CSMD1: variants seen among roughly 807,000 people sequenced by gnomAD.
CSMD1 encodes CUB and sushi domain-containing protein 1.
In CSMD1, 213 loss-of-function variants were observed where a neutral mutation model predicts 417.5. The ratio of observed to expected loss-of-function variants is 0.51; its 90% CI spans 0.46 to 0.57. The LOEUF (loss-of-function observed/expected upper bound fraction) is 0.57, where lower values mean the gene tolerates loss of function less well. CSMD1 is among the 20% of genes least tolerant of loss of function. CSMD1 has a pLI of 0.00. For missense variants in CSMD1, 6,923 were observed against 4,529.7 expected (o/e 1.53, Z -15.17); for synonymous variants, 2,862 against 1,736.8 (o/e 1.65, Z -16.11).
chr8:3,768,053 C>G (rs376595256), intron 5 of CSMD1, among the ~76,000 whole-genome samples: 1 of 152,000 alleles, frequency 6.6e-6, no homozygotes, highest in African/African-American at 2.4e-5. Flanking sequence ...TCTTTGACCC[C>G]GAGTATAGAC....
At chr8:3,520,977 T>G (rs1195717246) in intron 10 of CSMD1, among the ~76,000 whole-genome samples, 1 of 152,138 alleles carries the variant, frequency 6.6e-6, no homozygotes, top group Non-Finnish European at 1.5e-5. Context: ...GAAAACCATG[T>G]GCCCATCAAA....
At chr8:3,943,099 C>T (rs183020137) in intron 5 of CSMD1, among the ~76,000 whole-genome samples, 104 of 152,070 alleles carry the variant, frequency 6.8e-4, no homozygotes, top group African/African-American at 2.4e-3. Context: ...ACCTGGGATT[C>T]AACTTCGGAA....
intron 3 of CSMD1, among the ~76,000 whole-genome samples, chr8:4,237,278 T>A (rs1286979475): frequency 2.0e-5 from 3 of 152,180 alleles, no homozygotes; most frequent in African/African-American, 7.2e-5. Context: ...GTGAGGGTGT[T>A]TATATTAAGA....
intron 7 of CSMD1, among the ~76,000 whole-genome samples, chr8:3,675,719 A>C (rs1799337744): frequency 6.6e-6 from 1 of 152,198 alleles, no homozygotes; most frequent in African/African-American, 2.4e-5. Flanking sequence ...CTCTGAATCT[A>C]TAAGCACCTT....
chr8:3,106,501 G>C, intron 46 of CSMD1, 27 bp downstream of exon 46: 1 of 1,371,636 alleles, frequency 7.3e-7, no homozygotes, highest in South Asian at 1.2e-5. Flanking sequence ...ATAAGTTTAT[G>C]TAGTTTTAGT....
chr8:3,019,113 T>C (rs1456181741), intron 51 of CSMD1, among the ~76,000 whole-genome samples: 2 of 152,182 alleles, frequency 1.3e-5, no homozygotes, highest in African/African-American at 2.4e-5. Context: ...AGACAGTGTT[T>C]TGCCATGTTG....
chr8:3,194,576 G>T (rs1213239348), intron 33 of CSMD1, among the ~76,000 whole-genome samples: 3 of 151,428 alleles, frequency 2.0e-5, no homozygotes, highest in African/African-American at 7.3e-5. Flanking sequence ...TCCTGCCTCA[G>T]CCTCTCAAGA....
chr8:3,523,408 C>T (rs1797596625), intron 10 of CSMD1, among the ~76,000 whole-genome samples: 1 of 152,208 alleles, frequency 6.6e-6, no homozygotes, highest in South Asian at 2.1e-4. Context: ...AATGAGAGAT[C>T]AAAGCGTTTG....
intron 3 of CSMD1, among the ~76,000 whole-genome samples, chr8:4,386,682 C>A (rs1318292844): frequency 6.6e-6 from 1 of 152,174 alleles, no homozygotes; most frequent in African/African-American, 2.4e-5. Flanking sequence ...TGAGCCCTTG[C>A]AGAATGTATT....
intron 25 of CSMD1, among the ~76,000 whole-genome samples, chr8:3,294,622 G>A (rs1316951936): frequency 6.6e-6 from 1 of 152,190 alleles, no homozygotes; most frequent in African/African-American, 2.4e-5. Flanking sequence ...TCTGAGTCAT[G>A]CACGGGATAT....
At chr8:4,664,645 G>C (rs1002493561) in intron 1 of CSMD1, among the ~76,000 whole-genome samples, 1 of 152,038 alleles carries the variant, frequency 6.6e-6, no homozygotes, top group African/African-American at 2.4e-5. Flanking sequence ...AGATTGTCAC[G>C]TCAAATTCAC....
chr8:4,396,929 G>T lies in CSMD1; in HGVS notation c.415+23024C>A, dbSNP rs77781766. On this transcript the variant is annotated intron_variant, in intron 3 of 69. Transcript: ENST00000635120. The stretch of plus-strand genomic sequence containing the variant: ...ACAAAAGACTACACCTTGGGTACAA[G>T]GTACACTGCCTGGGTGATGAGTGCA... Among the ~76,000 whole-genome samples the T allele has an allele frequency of 8.2e-4, 124 of 151,934 alleles. 1 individual carries two copies. In the East Asian group the frequency reaches 0.023, roughly 29 times the overall value.
Position 3,317,914 on chromosome 8 carries a change from G to T in CSMD1, c.3632-9411C>A, listed in dbSNP as rs138940154. On this transcript the variant is annotated intron_variant, in intron 23 of 69. Transcript: ENST00000635120. ...CAGCCTTGACCTAGCAGGCTCAAGC[G>T]ATCCTCCCACCTTAGCCTATTGAGT... Among the ~76,000 whole-genome samples the T allele has an allele frequency of 1.2e-3, 177 of 152,228 alleles. 3 individuals carry two copies. Among genetic ancestry groups the T allele is most frequent in the Non-Finnish European group, 2.1e-4 (14 of 68,016 alleles).
intron 3 of CSMD1, among the ~76,000 whole-genome samples, chr8:4,298,125 G>C (rs1269232923): frequency 1.3e-5 from 2 of 152,096 alleles, no homozygotes; most frequent in African/African-American, 2.4e-5. Flanking sequence ...CAGGGCACTG[G>C]GGACATATTC....
At chr8:3,243,778 A>T (rs1401419561) in intron 26 of CSMD1, among the ~76,000 whole-genome samples, 1 of 150,512 alleles carries the variant, frequency 6.6e-6, no homozygotes, top group Non-Finnish European at 1.5e-5. Flanking sequence ...TATCATTTAT[A>T]TATAATATTG....
At chr8:3,246,249 C>G (rs1799873183) in intron 26 of CSMD1, among the ~76,000 whole-genome samples, 1 of 152,088 alleles carries the variant, frequency 6.6e-6, no homozygotes, top group Admixed American at 6.5e-5. Context: ...CCACACCAGC[C>G]CCTCATTCTT....
intron 3 of CSMD1, among the ~76,000 whole-genome samples, chr8:4,128,298 G>C (rs1289928186): frequency 6.6e-6 from 1 of 152,132 alleles, no homozygotes; most frequent in South Asian, 2.1e-4. Flanking sequence ...GAAGACTCGT[G>C]AATTACTACA....
chr8:3,822,382 A>G (rs1411180624), intron 5 of CSMD1, among the ~76,000 whole-genome samples: 2 of 151,792 alleles, frequency 1.3e-5, no homozygotes, highest in Non-Finnish European at 2.9e-5. Flanking sequence ...TGAAGCAAGC[A>G]GTAAAAAAGA....
At chr8:3,145,478 C>G (rs1818786916) in intron 40 of CSMD1, among the ~76,000 whole-genome samples, 1 of 152,036 alleles carries the variant, frequency 6.6e-6, no homozygotes, top group African/African-American at 2.4e-5. Context: ...AGTACAGGAT[C>G]TAGTGAAAGT....
Sources: gnomAD v4.1 joint callset for allele counts (sites outside exome capture counted in the v4.1 genomes callset) on GRCh38, gnomAD v4.1.1 for gene constraint, MANE v1.5 for transcripts, NCBI Gene and HGNC (gene_info 2026-07-23, HGNC 2026-07-21) for gene names.